ZNF365: variants seen among roughly 807,000 people sequenced by gnomAD.
ZNF365 encodes the protein zinc finger protein 365.
A neutral mutation model predicts 35.0 loss-of-function variants in ZNF365; 22 were observed. The observed-to-expected ratio is 0.63, with a 90% confidence interval of 0.45 to 0.90. The LOEUF (loss-of-function observed/expected upper bound fraction) is 0.90, where lower values mean the gene tolerates loss of function less well. ZNF365 is among the 40% of genes least tolerant of loss of function. The pLI is 0.00. For missense variants in ZNF365, 448 were observed against 500.3 expected (o/e 0.90, Z 1.00); for synonymous variants, 188 against 196.2 (o/e 0.96, Z 0.35).
chr10:62,443,673 A>C (rs908065569), intron 3 of ZNF365, among the ~76,000 whole-genome samples: 2 of 152,196 alleles, frequency 1.3e-5, no homozygotes, highest in South Asian at 2.1e-4. Context: ...GCTTTTAAAC[A>C]ACTGGCAAAT....
exon 5 of ZNF365, chr10:62,479,969 C>T: frequency 1.9e-6 from 3 of 1,601,696 alleles, no homozygotes; most frequent in Non-Finnish European, 2.6e-6. Flanking sequence ...GCCAGAGAAG[C>T]TTTCATTCAT....
chr10:62,431,722 G>T (rs1325362369), intron 3 of ZNF365, among the ~76,000 whole-genome samples: 1 of 152,108 alleles, frequency 6.6e-6, no homozygotes, highest in Non-Finnish European at 1.5e-5. Flanking sequence ...TGAGCTTCTG[G>T]ATATAAGAAT....
In ZNF365 at chr10:62,401,699, T is replaced by C; in HGVS notation, c.*1910T>C. 1 of 985,606 alleles carries C rather than the reference T, an allele frequency of 1.0e-6. No homozygotes were observed. Among genetic ancestry groups the C allele is most frequent in the Non-Finnish European group, 1.2e-6 (1 of 829,930 alleles). The allele number at this position is 985,606 out of a possible 1,614,324, so 61.1% of individuals were successfully genotyped here. On this transcript the variant is annotated 3_prime_UTR_variant, in exon 5 of 5. Coordinates refer to ENST00000395254, the MANE Select transcript of ZNF365 (RefSeq NM_014951.3). ...TTTTACATACTAAAAACATGACTTG[T>C]TAGTTGTATTGCATGCTCTTTGTCC...
intron 4 of ZNF365, among the ~76,000 whole-genome samples, chr10:62,465,924 A>T (rs1840935628): frequency 6.6e-6 from 1 of 152,142 alleles, no homozygotes; most frequent in East Asian, 1.9e-4. Context: ...AGCTGTTGTA[A>T]CACTACAGCC....
chr10:62,374,543 G>A (rs1433948862), intron 1 of ZNF365, 85 bp downstream of exon 1: 4 of 152,224 alleles, frequency 2.6e-5, no homozygotes, highest in Admixed American at 2.6e-4. Context: ...GGGGGTCCCC[G>A]AGCCCGCAGC....
chr10:62,413,090 T>C lies in ZNF365; in HGVS notation c.924+24514T>C, dbSNP rs566746036. On this transcript the variant is annotated intron_variant, in intron 3 of 4. Transcript: ENST00000395255. ...GCAATGGTTCTAAAACCCTGATGGG[T>C]ATCACAGTTACCTCTGGAATTTAGT... 3.7e-4 allele frequency among the ~76,000 whole-genome samples: 57 copies of C among 152,288 alleles called. 1 individual carries two copies. Among genetic ancestry groups the C allele is most frequent in the Admixed American group, 1.1e-3 (17 of 15,298 alleles).
chr10:62,383,134 G>A (rs1357613182), intron 2 of ZNF365, among the ~76,000 whole-genome samples: 1 of 152,200 alleles, frequency 6.6e-6, no homozygotes, highest in Non-Finnish European at 1.5e-5. Context: ...TTCGAGTAGA[G>A]ATATAGTTGC....
intron 3 of ZNF365, among the ~76,000 whole-genome samples, chr10:62,397,915 TG>T (rs772286401): frequency 7.2e-5 from 11 of 152,226 alleles, no homozygotes; most frequent in Non-Finnish European, 1.6e-4. Flanking sequence ...TCAATGGTTT[TG>T]GGAGGAACAG....
intron 3 of ZNF365, among the ~76,000 whole-genome samples, chr10:62,447,615 C>G (rs1381729090): frequency 6.6e-6 from 1 of 152,172 alleles, no homozygotes. Context: ...TACCATTCAC[C>G]CTGTTGTTCT....
chr10:62,413,731 G>A (rs567610907), intron 3 of ZNF365, among the ~76,000 whole-genome samples: 36 of 152,248 alleles, frequency 2.4e-4, no homozygotes, highest in Non-Finnish European at 4.7e-4. Context: ...ATCTTAATAG[G>A]ATTTTTGGAT....
chr10:62,466,796 T>C (rs1840950874), intron 4 of ZNF365, among the ~76,000 whole-genome samples: 1 of 152,158 alleles, frequency 6.6e-6, no homozygotes, highest in Non-Finnish European at 1.5e-5. Flanking sequence ...GAGTCTGACC[T>C]GGCTGAGACT....
chr10:62,462,367 GC>G (rs1314678981), intron 4 of ZNF365, among the ~76,000 whole-genome samples: 1 of 152,224 alleles, frequency 6.6e-6, no homozygotes, highest in Non-Finnish European at 1.5e-5. Flanking sequence ...AGAAGAGACT[GC>G]CCTGTTGCTC....
intron 4 of ZNF365, among the ~76,000 whole-genome samples, chr10:62,477,757 C>T (rs1841157091): frequency 6.6e-6 from 1 of 152,122 alleles, no homozygotes; most frequent in Non-Finnish European, 1.5e-5. Flanking sequence ...AGTCTCATGG[C>T]AGAGAAAAGA....
At chr10:62,381,203 G>A (rs1159327485) in intron 2 of ZNF365, among the ~76,000 whole-genome samples, 1 of 152,192 alleles carries the variant, frequency 6.6e-6, no homozygotes, top group Non-Finnish European at 1.5e-5. Flanking sequence ...TTGCATTGAT[G>A]GCCAGAAGAG....
At chr10:62,460,446 TAATAA>T (rs1344552359) in intron 4 of ZNF365, among the ~76,000 whole-genome samples, 6 of 152,206 alleles carry the variant, frequency 3.9e-5, no homozygotes, top group Admixed American at 1.3e-4. Context: ...CAATGGCTAA[TAATAA>T]AATAGAACAA....
rs1289832185 is a variant in ZNF365, at chr10:62,388,461, GGCTCC to G, written c.810_814del (p.Leu271GlyfsTer4). On this transcript the variant is annotated frameshift_variant, in exon 3 of 5. Transcript: ENST00000395254. LOFTEE classifies it high-confidence loss of function. ...GAGAAGGAGGTTCAAGGGAAAGCCC[GGCTCC>G]AGGACTTTATTGAGAATCTGTTACA... The G allele has an allele frequency of 6.2e-7, 1 of 1,614,090 alleles. No individual in the cohort carries two copies. Among genetic ancestry groups the G allele is most frequent in the Non-Finnish European group, 8.5e-7 (1 of 1,180,038 alleles).
intron 3 of ZNF365, among the ~76,000 whole-genome samples, chr10:62,390,393 G>A (rs1352151114): frequency 6.6e-6 from 1 of 152,212 alleles, no homozygotes; most frequent in Non-Finnish European, 1.5e-5. Context: ...CTCAAAGAGA[G>A]AAAACAATGG....
At chr10:62,464,076 A>G (rs943670287) in intron 4 of ZNF365, among the ~76,000 whole-genome samples, 1 of 152,208 alleles carries the variant, frequency 6.6e-6, no homozygotes. Context: ...GTCTTGAGCA[A>G]TGAGAGCCTG....
intron 4 of ZNF365, among the ~76,000 whole-genome samples, chr10:62,475,553 A>C (rs369681945): frequency 6.6e-6 from 1 of 152,194 alleles, no homozygotes; most frequent in Non-Finnish European, 1.5e-5. Context: ...AAATTACAAA[A>C]CTTTGAGAGA....
Sources: gnomAD v4.1 joint callset for allele counts (sites outside exome capture counted in the v4.1 genomes callset) on GRCh38, gnomAD v4.1.1 for gene constraint, MANE v1.5 for transcripts, NCBI Gene and HGNC (gene_info 2026-07-23, HGNC 2026-07-21) for gene names.